The following GRIP1 variants were observed in gnomAD, a reference collection of about 807,000 sequenced individuals.
GRIP1 encodes the protein glutamate receptor-interacting protein 1.
A neutral mutation model predicts 129.9 loss-of-function variants in GRIP1; 45 were observed. The observed-to-expected ratio is 0.35, with a 90% CI of 0.27 to 0.44. The LOEUF (loss-of-function observed/expected upper bound fraction) is 0.44, where lower values mean the gene tolerates loss of function less well. Among genes scored for constraint, GRIP1 ranks in the 20% least tolerant of loss-of-function variants. The pLI is 1.00. For missense variants in GRIP1, 1,196 were observed against 1,396.8 expected (o/e 0.86, Z 2.29); for synonymous variants, 530 against 520.8 (o/e 1.02, Z -0.24).
chr12:66,600,388 A>G (rs1247398137), intron 1 of GRIP1, among the ~76,000 whole-genome samples: 1 of 152,254 alleles, frequency 6.6e-6, no homozygotes, highest in Non-Finnish European at 1.5e-5. Context: ...CAAGGAAAGA[A>G]ATCAATCAGA....
intron 1 of GRIP1, among the ~76,000 whole-genome samples, chr12:66,924,826 C>T (rs931058542): frequency 6.6e-6 from 1 of 151,988 alleles, no homozygotes; most frequent in African/African-American, 2.4e-5. Flanking sequence ...AAAAATTAGC[C>T]GGGTGTGGTG....
intron 4 of GRIP1, among the ~76,000 whole-genome samples, chr12:66,533,059 T>A (rs1448064932): frequency 1.3e-5 from 2 of 152,286 alleles, no homozygotes; most frequent in South Asian, 4.1e-4. Context: ...AGGAATTGCA[T>A]CCTTTCTAAC....
At chr12:66,756,942 C>T (rs1473178606) in intron 1 of GRIP1, among the ~76,000 whole-genome samples, 3 of 152,034 alleles carry the variant, frequency 2.0e-5, no homozygotes, top group Non-Finnish European at 2.9e-5. Context: ...GTGCCAGAAA[C>T]TTCTTTAATT....
intron 1 of GRIP1, among the ~76,000 whole-genome samples, chr12:66,948,999 A>G (rs2041713664): frequency 6.6e-6 from 1 of 152,194 alleles, no homozygotes; most frequent in Non-Finnish European, 1.5e-5. Context: ...CTAAAAGCAT[A>G]TAGTGGAGCT....
chr12:66,406,882 C>T (rs1195142104), intron 15 of GRIP1, among the ~76,000 whole-genome samples: 1 of 152,090 alleles, frequency 6.6e-6, no homozygotes, highest in African/African-American at 2.4e-5. Context: ...CTGCTACTTC[C>T]ACTTGCATCT....
At chr12:66,768,918 C>T (rs1329462524) in intron 1 of GRIP1, among the ~76,000 whole-genome samples, 1 of 152,168 alleles carries the variant, frequency 6.6e-6, no homozygotes, top group Non-Finnish European at 1.5e-5. Context: ...GCATGTGACC[C>T]AGTGTTTAAA....
chr12:66,787,032 A>T (rs1233927352), intron 1 of GRIP1, among the ~76,000 whole-genome samples: 2 of 152,182 alleles, frequency 1.3e-5, no homozygotes, highest in Non-Finnish European at 2.9e-5. Flanking sequence ...CAGCTGCTAT[A>T]AAGCTGTGAC....
At chr12:66,373,075 AATTTATTTATTT>A (rs563984206) in intron 22 of GRIP1, among the ~76,000 whole-genome samples, 4 of 151,834 alleles carry the variant, frequency 2.6e-5, no homozygotes, top group Non-Finnish European at 5.9e-5. Flanking sequence ...TACTTCTCTC[AATTTATTTATTT>A]ATTTATTTAT....
chr12:66,776,383 T>C (rs2037980392), intron 1 of GRIP1, among the ~76,000 whole-genome samples: 1 of 152,248 alleles, frequency 6.6e-6, no homozygotes, highest in Non-Finnish European at 1.5e-5. Context: ...TGTTCTCAGC[T>C]AGCAGTCAAG....
chr12:66,953,024 A>C (rs956344560), intron 1 of GRIP1, among the ~76,000 whole-genome samples: 1 of 152,236 alleles, frequency 6.6e-6, no homozygotes, highest in Non-Finnish European at 1.5e-5. Context: ...GCTGCAACCC[A>C]AATCAGAAGG....
chr12:66,932,736 T>C (rs546467780), intron 1 of GRIP1, among the ~76,000 whole-genome samples: 1 of 152,340 alleles, frequency 6.6e-6, no homozygotes, highest in East Asian at 1.9e-4. Flanking sequence ...TGGCATGATC[T>C]CGGCTCATTG....
intron 1 of GRIP1, among the ~76,000 whole-genome samples, chr12:66,812,253 C>A (rs2039118461): frequency 6.6e-6 from 1 of 152,170 alleles, no homozygotes; most frequent in Non-Finnish European, 1.5e-5. Context: ...CCAGCCTCAG[C>A]CTCCTGAGTA....
Position 67,037,215 on chromosome 12 carries a change from C to G in GRIP1, c.58+31835G>C, listed in dbSNP as rs1162551401. Reference sequence around the variant, plus strand: ...TGGTGGCGGGCACCTGTGGTCCCAGCTACTCAGGAGGCTGAGGCAGGAGAA... The same window carrying G: ...TGGTGGCGGGCACCTGTGGTCCCAGGTACTCAGGAGGCTGAGGCAGGAGAA... On this transcript the variant is annotated intron_variant, in intron 1 of 1. Transcript: ENST00000643019. Among the ~76,000 whole-genome samples the G allele has an allele frequency of 2.6e-5, 4 of 151,912 alleles. No homozygotes were observed. The East Asian group carries it at 5.8e-4, about 22-fold the overall frequency.
chr12:66,449,666 T>C (rs1185718720), intron 11 of GRIP1, among the ~76,000 whole-genome samples: 1 of 152,154 alleles, frequency 6.6e-6, no homozygotes, highest in Admixed American at 6.5e-5. Flanking sequence ...GTGATTACTC[T>C]CCAGATAATA....
chr12:66,931,458 G>A (rs903387383), intron 1 of GRIP1, among the ~76,000 whole-genome samples: 2 of 152,142 alleles, frequency 1.3e-5, no homozygotes, highest in Admixed American at 1.3e-4. Context: ...AGGGAAACTA[G>A]GGCATGCTTG....
chr12:66,723,555 C>T (rs1227952051), intron 1 of GRIP1, among the ~76,000 whole-genome samples: 1 of 151,782 alleles, frequency 6.6e-6, no homozygotes, highest in Non-Finnish European at 1.5e-5. Flanking sequence ...TCAGGTGATC[C>T]ACCCACCTTG....
At chr12:66,903,767 AACAATAG>A (rs2040882437) in intron 1 of GRIP1, among the ~76,000 whole-genome samples, 1 of 152,242 alleles carries the variant, frequency 6.6e-6, no homozygotes, top group African/African-American at 2.4e-5. Context: ...AAAGAATATT[AACAATAG>A]ACAATAAAGA....
intron 1 of GRIP1, among the ~76,000 whole-genome samples, chr12:66,967,304 C>T (rs766172085): frequency 2.6e-5 from 4 of 152,060 alleles, no homozygotes; most frequent in African/African-American, 4.8e-5. Flanking sequence ...AAATATGTGT[C>T]ATTTCTTTCT....
At position 66,789,433 on chromosome 12, in the gene GRIP1, C is replaced by G. The variant is rs149431128; in HGVS notation, c.-420+14620G>C. On this transcript the variant is annotated intron_variant, in intron 1 of 4. Coordinates refer to the GRIP1 transcript ENST00000538373. The stretch of plus-strand genomic sequence containing the variant: ...TCTATAAAATGAGGAATAACAGTAA[C>G]AACAGCTAATTTATCAACTTATAAG... 2.6e-5 allele frequency among the ~76,000 whole-genome samples: 4 copies of G among 152,148 alleles called. No individual in the cohort carries two copies. The East Asian group carries it at 7.7e-4, about 29-fold the overall frequency.
Sources: allele counts gnomAD v4.1 joint callset (sites outside exome capture counted in the v4.1 genomes callset), GRCh38; gene constraint gnomAD v4.1.1; transcripts MANE v1.5; gene names NCBI Gene and HGNC (gene_info 2026-07-23, HGNC 2026-07-21).